SUGCT: variants seen among roughly 807,000 people sequenced by gnomAD.
SUGCT encodes the protein succinyl-CoA:glutarate-CoA transferase.
Under a neutral mutation model 55.0 loss-of-function variants are expected in SUGCT, and 41 were observed. That is an observed-to-expected ratio of 0.74 (90% CI 0.58 to 0.97). The LOEUF (loss-of-function observed/expected upper bound fraction) is 0.97. SUGCT is among the 50% of genes least tolerant of loss of function. The pLI is 0.00. For synonymous variants in SUGCT, 187 were observed against 200.4 expected (o/e 0.93, Z 0.56); for missense variants, 568 against 547.8 (o/e 1.04, Z -0.37).
intron 12 of SUGCT, among the ~76,000 whole-genome samples, chr7:40,623,331 A>G (rs1393145371): frequency 6.6e-6 from 1 of 152,172 alleles, no homozygotes; most frequent in African/African-American, 2.4e-5. Flanking sequence ...CTTTGTCCGT[A>G]AATATTTATC....
In SUGCT at chr7:40,332,813, A is replaced by T. The variant is rs76861588; in HGVS notation, c.816+15958A>T. 9.9e-3 allele frequency among the ~76,000 whole-genome samples: 1,509 copies of T among 152,250 alleles called. 20 individuals carry two copies. The highest frequency in any genetic ancestry group is 0.035 in the African/African-American group (1,439 of 41,528). On this transcript the variant is annotated intron_variant, in intron 9 of 13. Transcript: ENST00000335693. The stretch of plus-strand genomic sequence containing the variant: ...TAACCTAAAAACTGGGAGAAAGTTG[A>T]TAAGTGCAGAGGAAGCATGAGACCC...
Position 40,415,680 on chromosome 7 carries a change from G to C in SUGCT, c.817-33607G>C, listed in dbSNP as rs201465873. On this transcript the variant is annotated intron_variant, in intron 9 of 13. Coordinates refer to ENST00000335693, the MANE Select transcript of SUGCT (RefSeq NM_001193313.2). Reference sequence around the variant, plus strand: ...TCTTTACTCCACTCATATGAAACATGATGTGAAATAATGACTTAATTTACT... The same window carrying C: ...TCTTTACTCCACTCATATGAAACATCATGTGAAATAATGACTTAATTTACT... 6.6e-5 allele frequency among the ~76,000 whole-genome samples: 10 copies of C among 151,940 alleles called. No homozygotes were observed. In the East Asian group the frequency reaches 1.9e-3, roughly 29 times the overall value.
At chr7:40,342,328 A>G (rs988457162) in intron 9 of SUGCT, among the ~76,000 whole-genome samples, 5 of 152,228 alleles carry the variant, frequency 3.3e-5, no homozygotes, top group African/African-American at 1.2e-4. Flanking sequence ...TATGAGCAAT[A>G]TATAGGAAAA....
At chr7:40,976,729 G>A in the SUGCT span, among the ~76,000 whole-genome samples, 4 of 152,138 alleles carry the variant, frequency 2.6e-5, no homozygotes, top group South Asian at 8.3e-4. Flanking sequence ...GATCCCATTT[G>A]CAGTGCATGT....
intron 12 of SUGCT, among the ~76,000 whole-genome samples, chr7:40,565,107 G>A (rs1358950324): frequency 2.6e-5 from 4 of 152,172 alleles, no homozygotes; most frequent in Admixed American, 6.5e-5. Context: ...ACCAGAATTG[G>A]CTTTAAGGAA....
chr7:40,519,386 T>C (rs941342940), intron 12 of SUGCT, among the ~76,000 whole-genome samples: 51 of 152,020 alleles, frequency 3.4e-4, no homozygotes, highest in African/African-American at 1.2e-3. Context: ...CATGGTTATG[T>C]GAGATGCTTG....
At chr7:40,979,153 C>A in the SUGCT span, among the ~76,000 whole-genome samples, 1 of 152,220 alleles carries the variant, frequency 6.6e-6, no homozygotes, top group South Asian at 2.1e-4. Flanking sequence ...GTGAGGAGAA[C>A]TTCCTTGACT....
At chr7:40,582,076 A>G (rs1433105104) in intron 12 of SUGCT, among the ~76,000 whole-genome samples, 3 of 152,202 alleles carry the variant, frequency 2.0e-5, no homozygotes, top group African/African-American at 7.2e-5. Flanking sequence ...AACTTACTGT[A>G]AATTACAGTT....
intron 6 of SUGCT, among the ~76,000 whole-genome samples, chr7:40,227,215 T>G (rs1410445275): frequency 6.6e-6 from 1 of 151,552 alleles, no homozygotes; most frequent in Non-Finnish European, 1.5e-5. Context: ...CCTGGCTAAT[T>G]TTTTTGTATT....
intron 9 of SUGCT, among the ~76,000 whole-genome samples, chr7:40,405,847 A>AATG (rs1786340040): frequency 6.6e-6 from 1 of 151,426 alleles, no homozygotes; most frequent in Non-Finnish European, 1.5e-5. Context: ...CCAATGAGGA[A>AATG]ATGTTAGTTT....
intron 13 of SUGCT, among the ~76,000 whole-genome samples, chr7:40,756,831 C>T (rs1341368562): frequency 1.3e-5 from 2 of 152,026 alleles, no homozygotes; most frequent in African/African-American, 4.8e-5. Context: ...TCATGTTGTG[C>T]GTAGTGCATA....
intron 12 of SUGCT, among the ~76,000 whole-genome samples, chr7:40,595,068 T>C (rs967454385): frequency 6.6e-6 from 1 of 152,190 alleles, no homozygotes; most frequent in Non-Finnish European, 1.5e-5. Context: ...TAATTCTCTG[T>C]ATATTTAATA....
the SUGCT span, among the ~76,000 whole-genome samples, chr7:40,981,026 C>T: frequency 6.6e-6 from 1 of 152,102 alleles, no homozygotes; most frequent in Non-Finnish European, 1.5e-5. Flanking sequence ...CAAGAATAAT[C>T]CTCTTTGGTT....
At chr7:40,320,000 TA>T (rs1306460543) in intron 9 of SUGCT, among the ~76,000 whole-genome samples, 1 of 152,064 alleles carries the variant, frequency 6.6e-6, no homozygotes, top group African/African-American at 2.4e-5. Flanking sequence ...TTCAGATTTT[TA>T]AAAAAAAGTT....
intron 12 of SUGCT, among the ~76,000 whole-genome samples, chr7:40,509,111 G>A (rs1457049054): frequency 4.6e-5 from 7 of 152,058 alleles, no homozygotes; most frequent in African/African-American, 7.2e-5. Flanking sequence ...AACAAAGTCC[G>A]TTGATTTCTA....
chr7:40,213,108 T>G (rs987936929), intron 6 of SUGCT, among the ~76,000 whole-genome samples: 2 of 145,406 alleles, frequency 1.4e-5, no homozygotes, highest in African/African-American at 5.7e-5. Context: ...TTTTTAATGT[T>G]TTTTTATGTT....
chr7:40,467,421 A>T (rs1282249108), intron 11 of SUGCT, among the ~76,000 whole-genome samples: 2 of 152,116 alleles, frequency 1.3e-5, no homozygotes, highest in Non-Finnish European at 2.9e-5. Context: ...ATCAGCCCAC[A>T]CATTTATCCT....
intron 7 of SUGCT, among the ~76,000 whole-genome samples, chr7:40,238,874 G>A (rs924630777): frequency 2.7e-5 from 4 of 149,776 alleles, no homozygotes; most frequent in African/African-American, 9.9e-5. Context: ...AGGCTAGAGT[G>A]CAGTGGCGTG....
intron 8 of SUGCT, among the ~76,000 whole-genome samples, chr7:40,279,932 A>G (rs188152272): frequency 3.2e-4 from 48 of 152,294 alleles, no homozygotes; most frequent in African/African-American, 1.1e-3. Flanking sequence ...GCTGCGTGAG[A>G]ATGAATACAA....
Sources: allele counts gnomAD v4.1 joint callset (sites outside exome capture counted in the v4.1 genomes callset), GRCh38; gene constraint gnomAD v4.1.1; transcripts MANE v1.5; gene names NCBI Gene and HGNC (gene_info 2026-07-23, HGNC 2026-07-21).